The following SYT17 variants were observed in gnomAD, a reference collection of about 807,000 sequenced individuals.
SYT17 encodes synaptotagmin-17.
A neutral mutation model predicts 46.7 loss-of-function variants in SYT17; 22 were observed. That is an observed-to-expected ratio of 0.47 (90% CI 0.34 to 0.67). The LOEUF (loss-of-function observed/expected upper bound fraction) is 0.67. SYT17 is among the 30% of genes least tolerant of loss of function. SYT17 has a pLI of 0.01. For missense variants in SYT17, 519 were observed against 612.8 expected (o/e 0.85, Z 1.62); for synonymous variants, 251 against 248.4 (o/e 1.01, Z -0.10).
intron 7 of SYT17, among the ~76,000 whole-genome samples, chr16:19,250,971 C>G (rs1968019258): frequency 6.6e-6 from 1 of 152,018 alleles, no homozygotes; most frequent in Non-Finnish European, 1.5e-5. Context: ...GGGATCACAC[C>G]CCTTCCTTCA....
At chr16:19,223,641 A>G (rs1184773726) in intron 6 of SYT17, among the ~76,000 whole-genome samples, 1 of 152,228 alleles carries the variant, frequency 6.6e-6, no homozygotes, top group Non-Finnish European at 1.5e-5. Context: ...TTCCATCTGC[A>G]TGTTGCTTCT....
At chr16:19,262,694 C>T (rs577762841) in intron 7 of SYT17, among the ~76,000 whole-genome samples, 5 of 152,284 alleles carry the variant, frequency 3.3e-5, no homozygotes, top group East Asian at 3.9e-4. Context: ...AGTTAGAGGA[C>T]GTTGGTCATA....
rs748406440 is a variant in SYT17 at position 19,172,760 on chromosome 16, T to G, written c.16T>G (p.Leu6Val). ...TTCATCGTGGATCTTAAAAGGGCAG[T>G]TGGAACCATTAAACGAGGTGGGTTC... MAYIQ[L>V]EPLNEGFLSR... The change falls in exon 2 of 8, where the codon TTG (leucine) becomes GTG (valine). Residue 6 changes from leucine to valine, a missense_variant and splice_region_variant. By Grantham distance (32) the Leu-to-Val change is conservative. Coordinates refer to ENST00000355377, the MANE Select transcript of SYT17 (RefSeq NM_016524.4). The G allele has an allele frequency of 6.2e-7, 1 of 1,613,976 alleles. No homozygotes were observed. Among genetic ancestry groups the G allele is most frequent in the Admixed American group, 1.7e-5 (1 of 59,972 alleles).
chr16:19,220,303 C>CTTTCTTT lies in SYT17; in HGVS notation c.952-2739_952-2738insCTTTTTT, dbSNP rs776097400. On this transcript the variant is annotated intron_variant, in intron 5 of 7. Coordinates refer to ENST00000355377, the MANE Select transcript of SYT17 (RefSeq NM_016524.4). Reference sequence around the variant, plus strand: ...TTCAATGACATTTCTTTCTTTCTTTCTTTTTTTTTTTTTTTTTGAGATGAA... The same window carrying CTTTCTTT: ...TTCAATGACATTTCTTTCTTTCTTTCTTTCTTTTTTTTTTTTTTTTTTTTGAGATGAA... Among the ~76,000 whole-genome samples the CTTTCTTT allele has an allele frequency of 6.2e-4, 50 of 80,494 alleles. 1 individual carries two copies. The highest frequency in any genetic ancestry group is 1.6e-3 in the Admixed American group (9 of 5,724). The allele number at this position is 80,494 out of a possible 152,430, so 52.8% of individuals were successfully genotyped here.
intron 5 of SYT17, among the ~76,000 whole-genome samples, chr16:19,220,241 A>G (rs944934516): frequency 2.0e-5 from 3 of 151,452 alleles, no homozygotes; most frequent in Admixed American, 6.6e-5. Context: ...GGAGCACTGC[A>G]CTGCTCTGTG....
At chr16:19,250,040 T>C in intron 7 of SYT17, 1 of 1,535,468 alleles carries the variant, frequency 6.5e-7, no homozygotes, top group South Asian at 1.2e-5. Flanking sequence ...TTCCATGGCA[T>C]AAAGAAGCAA....
chr16:19,209,705 C>G (rs1965817660), intron 5 of SYT17, among the ~76,000 whole-genome samples: 1 of 141,354 alleles, frequency 7.1e-6, no homozygotes, highest in African/African-American at 3.1e-5. Flanking sequence ...CCTGTCTTTA[C>G]TAAAAAATAC....
chr16:19,183,886 C>A lies in SYT17; in HGVS notation c.690C>A (p.Tyr230Ter). The part of the protein sequence containing the change: ...SRQDMAHSNP[Y>*]VKICLLPDQK... ...AGGACATGGCGCACTCCAACCCCTA[C>A]GTCAAGATCTGTCTCCTGCCAGACC... The change falls in exon 5 of 8, where the codon TAC (tyrosine) becomes TAA (stop). Residue 230 changes from tyrosine (Y) to a stop codon, truncating the protein, a stop_gained. Coordinates refer to ENST00000355377, the MANE Select transcript of SYT17 (RefSeq NM_016524.4). LOFTEE classifies it high-confidence loss of function. This position sits in a 1 kb window ranked among gnomAD's most constrained non-coding sequence, Gnocchi z 5.6. 1 of 1,614,224 alleles carries A rather than the reference C, an allele frequency of 6.2e-7. No homozygotes were observed. Among genetic ancestry groups the A allele is most frequent in the Non-Finnish European group, 8.5e-7 (1 of 1,180,046 alleles).
At chr16:19,242,245 A>G (rs1279024310) in intron 7 of SYT17, among the ~76,000 whole-genome samples, 1 of 152,260 alleles carries the variant, frequency 6.6e-6, no homozygotes. Flanking sequence ...GAACAGCTAA[A>G]TAATAGTGGA....
At chr16:19,249,306 A>ATAAATAAG (rs1474122495) in intron 7 of SYT17, among the ~76,000 whole-genome samples, 9 of 151,176 alleles carry the variant, frequency 6.0e-5, no homozygotes, top group East Asian at 5.8e-4. Flanking sequence ...AAATAAATAA[A>ATAAATAAG]TAAGTAAATA....
At chr16:19,227,548 C>T (rs1403306122) in intron 7 of SYT17, among the ~76,000 whole-genome samples, 1 of 152,088 alleles carries the variant, frequency 6.6e-6, no homozygotes, top group East Asian at 1.9e-4. Context: ...AACTCCTGAC[C>T]TCAAGCAATC....
intron 7 of SYT17, among the ~76,000 whole-genome samples, chr16:19,236,700 C>G (rs944169360): frequency 1.3e-5 from 2 of 152,162 alleles, no homozygotes; most frequent in Non-Finnish European, 2.9e-5. Context: ...CTCTGAGACT[C>G]TAGTCATCTG....
At chr16:19,222,588 C>T (rs142900701) in intron 5 of SYT17, among the ~76,000 whole-genome samples, 320 of 152,268 alleles carry the variant, frequency 2.1e-3, no homozygotes, top group Non-Finnish European at 3.5e-3. Context: ...AGAATAACAG[C>T]AGTCAGAGTA....
chr16:19,216,617 G>A (rs59553975), intron 5 of SYT17, among the ~76,000 whole-genome samples: 37,646 of 151,924 alleles, frequency 0.25, 4,931 homozygotes, highest in African/African-American at 0.31. Context: ...TCACTTATGA[G>A]TGAGAACATG....
intron 5 of SYT17, 60 bp from the exon 6 acceptor site, chr16:19,222,984 TG>T (rs746182735): frequency 3.5e-5 from 56 of 1,598,286 alleles, no homozygotes; most frequent in Non-Finnish European, 4.7e-5. Context: ...ATTTCTTGTA[TG>T]GTGGGTGCAA....
chr16:19,237,964 T>C (rs1210605473), intron 7 of SYT17, among the ~76,000 whole-genome samples: 3 of 152,242 alleles, frequency 2.0e-5, no homozygotes, highest in African/African-American at 7.2e-5. Flanking sequence ...GATGGTTTTT[T>C]CTAAGTACAT....
chr16:19,186,937 G>A (rs1430707792), intron 5 of SYT17, among the ~76,000 whole-genome samples: 1 of 152,210 alleles, frequency 6.6e-6, no homozygotes, highest in Non-Finnish European at 1.5e-5. Flanking sequence ...CCAGTCTAGT[G>A]GGAAAGACAG....
At position 19,252,394 on chromosome 16, in the gene SYT17, CATATATATACAT is replaced by C. The variant is rs1475980975; in HGVS notation, c.1229-14454_1229-14443del. ...ACATATATATACATATATATATATACATATATATACATATATATATACATATATATATACATA... is the reference window on the plus strand; with the variant it reads ...ACATATATATACATATATATATATACATATATATACATATATATATACATA... On this transcript the variant is annotated intron_variant, in intron 7 of 7. Coordinates refer to ENST00000355377, the MANE Select transcript of SYT17 (RefSeq NM_016524.4). Among the ~76,000 whole-genome samples, 107 of 50,408 alleles carry C rather than the reference CATATATATACAT, an allele frequency of 2.1e-3. 43 individuals carry two copies. The highest frequency in any genetic ancestry group is 0.013 in the African/African-American group (92 of 6,972). The allele number at this position is 50,408 out of a possible 152,430, so 33.1% of individuals were successfully genotyped here. A position where few individuals can be genotyped will look rare whatever the true frequency, so the allele number is the denominator to read the frequency against.
chr16:19,231,440 G>A (rs552417800), intron 7 of SYT17, among the ~76,000 whole-genome samples: 2 of 150,140 alleles, frequency 1.3e-5, no homozygotes, highest in South Asian at 2.1e-4. Flanking sequence ...GCATGGTGGC[G>A]GGTGCCTGTT....
Sources: gnomAD v4.1 joint callset for allele counts (sites outside exome capture counted in the v4.1 genomes callset) on GRCh38, gnomAD v4.1.1 for gene constraint, Gnocchi (gnomAD v3.1) non-coding constraint, MANE v1.5 for transcripts, NCBI Gene and HGNC (gene_info 2026-07-23, HGNC 2026-07-21) for gene names.